The following CHD6 variants were observed in gnomAD, a reference collection of about 807,000 sequenced individuals.
CHD6 encodes ATP-dependent chromatin remodeler CHD6.
A neutral mutation model predicts 276.9 loss-of-function variants in CHD6; 50 were observed. That is an observed-to-expected ratio of 0.18 (90% CI 0.14 to 0.23). CHD6 has a LOEUF of 0.23. Ranked by LOEUF, CHD6 falls within the 10% of genes least tolerant of loss-of-function variation. CHD6 has a pLI of 1.00. For missense variants in CHD6, 2,564 were observed against 3,365.8 expected (o/e 0.76, Z 5.89); for synonymous variants, 1,173 against 1,229.3 (o/e 0.95, Z 0.96).
intron 34 of CHD6, chr20:41,414,672 A>G (rs77177410): frequency 4.0e-6 from 1 of 250,722 alleles, no homozygotes; most frequent in East Asian, 7.0e-5. Flanking sequence ...TGATCTCCGT[A>G]AATCTTCAAC....
At chr20:41,412,072 C>T in intron 36 of CHD6, 72 bp downstream of exon 36, 2 of 1,575,918 alleles carry the variant, frequency 1.3e-6, no homozygotes, top group Non-Finnish European at 1.7e-6. Context: ...GGGGCTTTCT[C>T]TCAAGTATGT....
intron 31 of CHD6, 91 bp from the exon 32 acceptor site, chr20:41,417,440 G>C (rs1287458502): frequency 8.5e-7 from 1 of 1,172,198 alleles, no homozygotes; most frequent in South Asian, 1.7e-5. Context: ...TTTTCCTTTT[G>C]CTTTTTAAAT....
intron 16 of CHD6, among the ~76,000 whole-genome samples, chr20:41,480,379 T>C (rs866601209): frequency 2.0e-5 from 3 of 152,148 alleles, no homozygotes; most frequent in African/African-American, 4.8e-5. Context: ...TGAATTATAA[T>C]AGGTGTATAG....
intron 1 of CHD6, among the ~76,000 whole-genome samples, chr20:41,599,403 T>C (rs749108742): frequency 2.0e-5 from 3 of 151,972 alleles, no homozygotes; most frequent in Non-Finnish European, 4.4e-5. Flanking sequence ...CATGGAAAAA[T>C]GGTTTAGAAA....
At chr20:41,535,859 C>T (rs1010412711) in intron 2 of CHD6, among the ~76,000 whole-genome samples, 2 of 152,244 alleles carry the variant, frequency 1.3e-5, no homozygotes, top group South Asian at 4.2e-4. Flanking sequence ...CAGCAAGACT[C>T]AATCTCTTAA....
chr20:41,461,801 AC>A (rs1235357674), intron 17 of CHD6: 1 of 152,374 alleles, frequency 6.6e-6, no homozygotes, highest in East Asian at 1.9e-4. Flanking sequence ...GGAGACCCAG[AC>A]CCCACTGAGG....
Position 41,440,086 on chromosome 20 carries a change from G to A in CHD6, c.3921C>T (p.Cys1307=). 2 of 1,613,998 alleles carry A rather than the reference G, an allele frequency of 1.2e-6. No homozygotes were observed. Among genetic ancestry groups the A allele is most frequent in the African/African-American group, 2.7e-5 (2 of 75,020 alleles). Residue 1307 remains cysteine (C), a synonymous_variant, in exon 26 of 37, where the codon TGC becomes TGT. Transcript: ENST00000373233. Reference sequence around the variant, plus strand: ...CGGGCATCCCAACTTTCTCCAGGAAGCAAAGTGCTGGGTCTGCTCGCATGG... The same window carrying A: ...CGGGCATCCCAACTTTCTCCAGGAAACAAAGTGCTGGGTCTGCTCGCATGG... ...YNAMRADPAL[C]FLEKVGMPDE...
chr20:41,409,359 G>C (rs1429503502), intron 36 of CHD6, among the ~76,000 whole-genome samples: 1 of 152,180 alleles, frequency 6.6e-6, no homozygotes, highest in Non-Finnish European at 1.5e-5. Context: ...GCCTGCGGAG[G>C]GGGCAAAGGG....
intron 1 of CHD6, among the ~76,000 whole-genome samples, chr20:41,596,298 T>C (rs1420607321): frequency 1.3e-5 from 2 of 152,164 alleles, no homozygotes; most frequent in South Asian, 2.1e-4. Context: ...GCTTTGTAAA[T>C]GCCCCCTTAA....
intron 29 of CHD6, among the ~76,000 whole-genome samples, chr20:41,424,219 T>C (rs1395363097): frequency 1.3e-5 from 2 of 152,218 alleles, no homozygotes; most frequent in Non-Finnish European, 2.9e-5. Flanking sequence ...CCATCTCATA[T>C]TGCTTTTCTT....
At chr20:41,498,133 A>C in intron 7 of CHD6, 35 bp downstream of exon 7, 1 of 1,487,236 alleles carries the variant, frequency 6.7e-7, no homozygotes, top group Non-Finnish European at 9.3e-7. Flanking sequence ...ATTCATATAA[A>C]ACCCAAATAC....
In CHD6 at chr20:41,413,409, G is replaced by T. The variant is rs1026998793; in HGVS notation, c.7046C>A (p.Ala2349Asp). 21 of 1,612,002 alleles carry T rather than the reference G, an allele frequency of 1.3e-5. No homozygotes were observed. Among genetic ancestry groups the T allele is most frequent in the Non-Finnish European group, 1.8e-5 (21 of 1,179,978 alleles). The change falls in exon 35 of 37, where the codon GCC becomes GAC. Residue 2349 changes from alanine (A) to aspartate (D), a missense_variant. Ala to Asp is a moderately radical substitution (Grantham distance 126, BLOSUM62 -2). Transcript: ENST00000373233. The part of the protein sequence containing the change: ...PEPATAASSQ[A>D]EKSIPSKSLL... Reference sequence around the variant, plus strand: ...ACTCTTGCTGGGAATGGATTTCTCGGCTTGGCTGCTGGCTGCCGTAGCTGG... The same window carrying T: ...ACTCTTGCTGGGAATGGATTTCTCGTCTTGGCTGCTGGCTGCCGTAGCTGG...
intron 1 of CHD6, among the ~76,000 whole-genome samples, chr20:41,593,203 G>GC (rs1491526457): frequency 3.0e-4 from 11 of 37,128 alleles, no homozygotes; most frequent in African/African-American, 1.6e-3. Flanking sequence ...CAATCAAAAA[G>GC]GGGGGGGGGG....
chr20:41,586,351 C>G (rs1237586642), intron 1 of CHD6, among the ~76,000 whole-genome samples: 1 of 152,240 alleles, frequency 6.6e-6, no homozygotes, highest in Non-Finnish European at 1.5e-5. Flanking sequence ...CATTGCCACT[C>G]CTGATCGGGC....
chr20:41,461,069 G>A (rs927958627), intron 17 of CHD6, among the ~76,000 whole-genome samples: 27 of 152,234 alleles, frequency 1.8e-4, no homozygotes, highest in African/African-American at 6.3e-4. Context: ...TGCTCCGGTG[G>A]ATTTTGGACT....
In CHD6 at chr20:41,445,645, G is replaced by A. The variant is rs1600874452; in HGVS notation, c.3877+20C>T. The A allele has an allele frequency of 2.6e-6, 4 of 1,530,270 alleles. No individual in the cohort carries two copies. The highest frequency in any genetic ancestry group is 2.2e-5 in the South Asian group (2 of 89,062). The allele number at this position is 1,530,270 out of a possible 1,614,324, so 94.8% of individuals were successfully genotyped here. On this transcript the variant is annotated intron_variant, in intron 25 of 36. Transcript: ENST00000373233. ...GGGGGAAACTGATACAGAAGGGAAC[G>A]CCTTCAGAGAAATACACACCATGCT...
chr20:41,552,357 G>A (rs2045159104), intron 1 of CHD6, among the ~76,000 whole-genome samples: 2 of 152,156 alleles, frequency 1.3e-5, no homozygotes, highest in African/African-American at 4.8e-5. Context: ...ATATCCAAAT[G>A]AATGTGATGT....
chr20:41,457,495 G>T, intron 17 of CHD6, 67 bp from the exon 18 acceptor site: 2 of 1,544,236 alleles, frequency 1.3e-6, no homozygotes, highest in South Asian at 1.2e-5. Flanking sequence ...CCTGGGAATA[G>T]GGGAGTGCTT....
At chr20:41,584,309 C>A (rs1451639880) in intron 1 of CHD6, among the ~76,000 whole-genome samples, 2 of 152,098 alleles carry the variant, frequency 1.3e-5, no homozygotes, top group South Asian at 2.1e-4. Flanking sequence ...TATGTATGCA[C>A]CTGACATCAG....
Sources: allele counts gnomAD v4.1 joint callset (sites outside exome capture counted in the v4.1 genomes callset), GRCh38; gene constraint gnomAD v4.1.1; transcripts MANE v1.5; gene names NCBI Gene and HGNC (gene_info 2026-07-23, HGNC 2026-07-21).